The following THOC7 variants were observed in gnomAD, a reference collection of about 807,000 sequenced individuals.
THOC7 encodes the protein THO complex subunit 7, also known as NIF3L1-binding protein 1.
Under a neutral mutation model 33.1 loss-of-function variants are expected in THOC7, and 22 were observed. That is an observed-to-expected ratio of 0.66 (90% CI 0.47 to 0.95). THOC7 has a LOEUF of 0.95. THOC7 is among the 40% of genes least tolerant of loss of function. THOC7 has a pLI of 0.00. For synonymous variants in THOC7, 77 were observed against 76.8 expected (o/e 1.00, Z -0.01); for missense variants, 184 against 245.3 (o/e 0.75, Z 1.67).
chr3:63,846,769 T>C (rs1276173999), intron 1 of THOC7, among the ~76,000 whole-genome samples: 1 of 152,132 alleles, frequency 6.6e-6, no homozygotes, highest in Non-Finnish European at 1.5e-5. Flanking sequence ...TATGTGTTGG[T>C]GTACTCTAGG....
At chr3:63,861,616 G>A (rs895620597) in intron 1 of THOC7, 1 of 152,108 alleles carries the variant, frequency 6.6e-6, no homozygotes, top group African/African-American at 2.4e-5. Context: ...ACTACTATCT[G>A]TGCGACCTTA....
intron 1 of THOC7, among the ~76,000 whole-genome samples, chr3:63,846,999 C>G (rs923584550): frequency 1.3e-5 from 2 of 152,126 alleles, no homozygotes. Flanking sequence ...TAAGCAATCC[C>G]TAAAACAGCA....
chr3:63,834,010 A>G lies in THOC7; in HGVS notation c.*122T>C. 1.2e-6 allele frequency: 1 copy of G among 838,742 alleles called. No homozygotes were observed. The highest frequency in any genetic ancestry group is 1.8e-6 in the Non-Finnish European group (1 of 543,858). 52.0% of individuals were successfully genotyped at this position (838,742 alleles called of 1,614,324 possible). A position where few individuals can be genotyped will look rare whatever the true frequency, so the allele number is the denominator to read the frequency against. On this transcript the variant is annotated 3_prime_UTR_variant, in exon 8 of 8. Transcript: ENST00000295899. Reference sequence around the variant, plus strand: ...GGAAATATGAATGAAATACATTCATACTTAAAAACAGAGTATTTTACTGCC... The same window carrying G: ...GGAAATATGAATGAAATACATTCATGCTTAAAAACAGAGTATTTTACTGCC...
intron 1 of THOC7, among the ~76,000 whole-genome samples, chr3:63,846,700 C>T (rs1034029473): frequency 5.3e-5 from 8 of 152,030 alleles, no homozygotes; most frequent in East Asian, 3.9e-4. Context: ...CATGAGCCAC[C>T]GTGCTTGGCC....
At chr3:63,845,258 G>T (rs1271220251) in intron 1 of THOC7, among the ~76,000 whole-genome samples, 4 of 152,106 alleles carry the variant, frequency 2.6e-5, no homozygotes, top group Non-Finnish European at 5.9e-5. Context: ...TTGACTTTGG[G>T]GTACCTAGGG....
chr3:63,840,162 C>A (rs1210622464), intron 1 of THOC7, among the ~76,000 whole-genome samples: 2 of 152,088 alleles, frequency 1.3e-5, no homozygotes, highest in Admixed American at 6.6e-5. Context: ...CATAGAGAAC[C>A]TTTTGTGAAA....
chr3:63,862,906 C>G (rs1211216690), intron 1 of THOC7, among the ~76,000 whole-genome samples: 1 of 152,114 alleles, frequency 6.6e-6, no homozygotes, highest in Non-Finnish European at 1.5e-5. Flanking sequence ...CATAGACCAT[C>G]TCCCTTAGAC....
chr3:63,838,853 A>G (rs557992074), intron 2 of THOC7, among the ~76,000 whole-genome samples: 1 of 152,304 alleles, frequency 6.6e-6, no homozygotes, highest in South Asian at 2.1e-4. Context: ...AATTATTTAT[A>G]TGGAAAGCAA....
chr3:63,853,511 T>C (rs1442715983), intron 1 of THOC7, among the ~76,000 whole-genome samples: 5 of 152,248 alleles, frequency 3.3e-5, no homozygotes, highest in Admixed American at 2.0e-4. Context: ...CTATCTACTT[T>C]ATAGAAATAT....
chr3:63,857,331 T>C (rs1211214324), intron 1 of THOC7, among the ~76,000 whole-genome samples: 3 of 152,302 alleles, frequency 2.0e-5, no homozygotes, highest in Middle Eastern at 3.4e-3. Flanking sequence ...GGTACTTCAT[T>C]TTCTCTGTAT....
At chr3:63,846,891 A>G (rs1701909530) in intron 1 of THOC7, among the ~76,000 whole-genome samples, 1 of 152,154 alleles carries the variant, frequency 6.6e-6, no homozygotes, top group Admixed American at 6.5e-5. Flanking sequence ...AAAAGACTGC[A>G]AATTACAGTT....
At chr3:63,853,462 A>C (rs1702055638) in intron 1 of THOC7, among the ~76,000 whole-genome samples, 1 of 152,234 alleles carries the variant, frequency 6.6e-6, no homozygotes, top group Admixed American at 6.5e-5. Flanking sequence ...TATTCACGTA[A>C]GACCAACATC....
chr3:63,856,698 C>T (rs368406588), intron 1 of THOC7, among the ~76,000 whole-genome samples: 5 of 152,060 alleles, frequency 3.3e-5, no homozygotes, highest in African/African-American at 1.2e-4. Context: ...TATAAACACA[C>T]TTAATCTACA....
Position 63,833,983 on chromosome 3 carries a change from G to C in THOC7, c.*149C>G. On this transcript the variant is annotated 3_prime_UTR_variant, in exon 8 of 8. Coordinates refer to ENST00000295899, the MANE Select transcript of THOC7 (RefSeq NM_025075.4). ...ATACTGAAGTCATTTTCCTTTGTGA[G>C]AGGAAATATGAATGAAATACATTCA... The C allele has an allele frequency of 1.5e-6, 1 of 682,738 alleles. No homozygotes were observed. Among genetic ancestry groups the C allele is most frequent in the East Asian group, 2.9e-5 (1 of 34,164 alleles). The allele number at this position is 682,738 out of a possible 1,614,324, so 42.3% of individuals were successfully genotyped here.
intron 1 of THOC7, chr3:63,860,742 G>C (rs951205629): frequency 3.3e-5 from 5 of 152,026 alleles, no homozygotes; most frequent in Admixed American, 1.3e-4. Context: ...TTTTTGTCTT[G>C]TTTTCTAATC....
chr3:63,849,262 C>A (rs1701971739), intron 1 of THOC7, among the ~76,000 whole-genome samples: 1 of 152,160 alleles, frequency 6.6e-6, no homozygotes, highest in African/African-American at 2.4e-5. Flanking sequence ...GTGGCATGAG[C>A]CTGTAATACC....
At chr3:63,854,506 A>T (rs1174764563) in intron 1 of THOC7, 1 of 151,800 alleles carries the variant, frequency 6.6e-6, no homozygotes, top group Non-Finnish European at 1.5e-5. Context: ...ATTTTTTGTT[A>T]TTTTTTTTAT....
chr3:63,864,301 C>T (rs554565714), upstream of THOC7, among the ~76,000 whole-genome samples: 23 of 148,110 alleles, frequency 1.6e-4, no homozygotes, highest in Non-Finnish European at 2.5e-4. Flanking sequence ...GGGGTGGGCT[C>T]GTTTCCCTGG....
chr3:63,860,221 C>A (rs1575817296), intron 1 of THOC7, among the ~76,000 whole-genome samples: 1 of 151,470 alleles, frequency 6.6e-6, no homozygotes, highest in African/African-American at 2.4e-5. Flanking sequence ...TTGAAAAATT[C>A]TGTAGTATAG....
Sources: gnomAD v4.1 joint callset for allele counts (sites outside exome capture counted in the v4.1 genomes callset) on GRCh38, gnomAD v4.1.1 for gene constraint, MANE v1.5 for transcripts, NCBI Gene and HGNC (gene_info 2026-07-23, HGNC 2026-07-21) for gene names.